The following NIP7 variants were observed in gnomAD, a reference collection of about 807,000 sequenced individuals.
NIP7 encodes the protein nucleolar pre-rRNA processing protein NIP7, also known as 60S ribosome subunit biogenesis protein NIP7 homolog.
Under a neutral mutation model 20.1 loss-of-function variants are expected in NIP7, and 12 were observed. The ratio of observed to expected loss-of-function variants is 0.60; its 90% CI spans 0.38 to 0.97. The LOEUF is 0.97. Among genes scored for constraint, NIP7 ranks in the 50% least tolerant of loss-of-function variants. NIP7 has a pLI of 0.00. For synonymous variants in NIP7, 103 were observed against 87.2 expected (o/e 1.18, Z -1.01); for missense variants, 226 against 226.6 (o/e 1.00, Z 0.02).
rs2012583629 is a variant in NIP7, at chr16:69,342,395, G to C, written c.*743G>C. On this transcript the variant is annotated 3_prime_UTR_variant, in exon 5 of 5. Transcript: ENST00000254940. ...GGATCACTTGAGGTTAGGAGTTTGAGACCAGCCTGGCCAACATGGTGAAAC... is the reference window on the plus strand; with the variant it reads ...GGATCACTTGAGGTTAGGAGTTTGACACCAGCCTGGCCAACATGGTGAAAC... 1 of 151,522 alleles carries C rather than the reference G, an allele frequency of 6.6e-6. No individual in the cohort carries two copies. The highest frequency in any genetic ancestry group is 1.5e-5 in the Non-Finnish European group (1 of 67,972). 9.4% of individuals were successfully genotyped at this position (151,522 alleles called of 1,614,324 possible).
In NIP7 at chr16:69,339,895, C is replaced by T. The variant is rs1335024233; in HGVS notation, c.56+10C>T. ...AGAAGATAGCGAAATAGTAGGAGCG[C>T]GCGGGGCGGACGCGGGAGTGTGTGG... On this transcript the variant is annotated intron_variant, in intron 1 of 4. Transcript: ENST00000254940. 2 of 1,613,454 alleles carry T rather than the reference C, an allele frequency of 1.2e-6. No homozygotes were observed. Among genetic ancestry groups the T allele is most frequent in the South Asian group, 2.2e-5 (2 of 91,070 alleles).
Position 69,340,079 on chromosome 16 carries a change from G to T in NIP7, c.130G>T (p.Val44Leu). 1 of 1,614,146 alleles carries T rather than the reference G, an allele frequency of 6.2e-7. No homozygotes were observed. The highest frequency in any genetic ancestry group is 8.5e-7 in the Non-Finnish European group (1 of 1,180,028). Residue 44 changes from valine to leucine, a missense_variant, in exon 2 of 5, where the codon GTG becomes TTG. Transcript: ENST00000254940. ...TYCFRLHNDR[V>L]YYVSEKIMKL... is the part of the protein sequence containing the mutation. ...CTGTTTCCGTCTGCACAACGACCGGGTGTACTATGTGAGGTGAGGCGGGGC... is the reference window on the plus strand; with the variant it reads ...CTGTTTCCGTCTGCACAACGACCGGTTGTACTATGTGAGGTGAGGCGGGGC...
In NIP7 at chr16:69,341,893, C is replaced by A; in HGVS notation, c.*241C>A. ...ATAGAATACTGTTTCATATTTGAAT[C>A]AGAGGGCTTCTTGTTCTGAGAAATA... On this transcript the variant is annotated 3_prime_UTR_variant, in exon 5 of 5. Coordinates refer to ENST00000254940, the MANE Select transcript of NIP7 (RefSeq NM_016101.5). The A allele has an allele frequency of 2.8e-6, 1 of 361,924 alleles. No homozygotes were observed. The highest frequency in any genetic ancestry group is 5.0e-6 in the Non-Finnish European group (1 of 199,974). 22.4% of individuals were successfully genotyped at this position (361,924 alleles called of 1,614,324 possible).
Position 69,339,805 on chromosome 16 carries a change from C to A in NIP7, c.-25C>A, listed in dbSNP as rs1038419431. 6.2e-7 allele frequency: 1 copy of A among 1,612,010 alleles called. No individual in the cohort carries two copies. The highest frequency in any genetic ancestry group is 8.5e-7 in the Non-Finnish European group (1 of 1,179,728). On this transcript the variant is annotated 5_prime_UTR_variant, in exon 1 of 5. Coordinates refer to ENST00000254940, the MANE Select transcript of NIP7 (RefSeq NM_016101.5). ...TTTCCAGTTACCAAGGCACGAGGAT[C>A]CGGTGTTCCAACCCAGGGGGAAAAA... is the stretch of plus-strand genomic sequence containing the variant.
chr16:69,341,396 G>T, intron 4 of NIP7, 76 bp downstream of exon 4: 1 of 1,572,832 alleles, frequency 6.4e-7, no homozygotes, highest in Non-Finnish European at 8.7e-7. Flanking sequence ...CTGAGTGCTT[G>T]AGAGAATAAA....
chr16:69,341,866 A>C lies in NIP7; in HGVS notation c.*214A>C. The C allele has an allele frequency of 2.3e-6, 1 of 444,260 alleles. No homozygotes were observed. Among genetic ancestry groups the C allele is most frequent in the Non-Finnish European group, 4.0e-6 (1 of 251,996 alleles). 27.5% of individuals were successfully genotyped at this position (444,260 alleles called of 1,614,324 possible). A position where few individuals can be genotyped will look rare whatever the true frequency, so the allele number is the denominator to read the frequency against. On this transcript the variant is annotated 3_prime_UTR_variant, in exon 5 of 5. Transcript: ENST00000254940. ...AATGGGGTTTCAGATCTTTGTGACG[A>C]AATAGAATACTGTTTCATATTTGAA...
At position 69,341,599 on chromosome 16, in the gene NIP7, T is replaced by C. The variant is rs944338787; in HGVS notation, c.490T>C (p.Phe164Leu). The stretch of plus-strand genomic sequence containing the variant: ...AGTAGACCCCATGGCGATTGTGGTA[T>C]TTCATCAAGCAGACATTGGGGAATA... Reference protein sequence around the residue: ...RKVDPMAIVVFHQADIGEYVR... With the variant: ...RKVDPMAIVVLHQADIGEYVR... Residue 164 changes from phenylalanine to leucine, a missense_variant, in exon 5 of 5, where the codon TTT becomes CTT. Physicochemically the swap from Phe to Leu is conservative, Grantham distance 22. Transcript: ENST00000254940. 2 of 1,614,196 alleles carry C rather than the reference T, an allele frequency of 1.2e-6. No individual in the cohort carries two copies. Among genetic ancestry groups the C allele is most frequent in the Non-Finnish European group, 1.7e-6 (2 of 1,180,030 alleles).
chr16:69,339,818 C>A lies in NIP7; in HGVS notation c.-12C>A, dbSNP rs367992251. ...AGGCACGAGGATCCGGTGTTCCAAC[C>A]CAGGGGGAAAAATGCGGCCTTTGAC... On this transcript the variant is annotated 5_prime_UTR_variant, in exon 1 of 5. Coordinates refer to ENST00000254940, the MANE Select transcript of NIP7 (RefSeq NM_016101.5). 6.8e-6 allele frequency: 11 copies of A among 1,612,382 alleles called. No homozygotes were observed. Among genetic ancestry groups the A allele is most frequent in the Middle Eastern group, 4.2e-4 (2 of 4,788 alleles).
rs969652859 is a variant in NIP7, at chr16:69,342,411, A to G, written c.*759A>G. On this transcript the variant is annotated 3_prime_UTR_variant, in exon 5 of 5. Coordinates refer to ENST00000254940, the MANE Select transcript of NIP7 (RefSeq NM_016101.5). ...GGAGTTTGAGACCAGCCTGGCCAAC[A>G]TGGTGAAACCCCATCTCTACTAAAA... is the stretch of plus-strand genomic sequence containing the variant. 22 of 152,102 alleles carry G rather than the reference A, an allele frequency of 1.4e-4. No homozygotes were observed. Among genetic ancestry groups the G allele is most frequent in the Admixed American group, 1.2e-3 (19 of 15,264 alleles). 9.4% of individuals were successfully genotyped at this position (152,102 alleles called of 1,614,324 possible).
chr16:69,340,425 G>C, intron 3 of NIP7, 93 bp downstream of exon 3: 1 of 1,487,650 alleles, frequency 6.7e-7, no homozygotes. Context: ...GTCCCTGACA[G>C]TGTGCTTGGA....
chr16:69,339,778 C>T lies in NIP7; in HGVS notation c.-52C>T, dbSNP rs1386370982. ...CGGGGAGCAGCGAGCGACCGACTTCCGTTTCCAGTTACCAAGGCACGAGGA... is the reference window on the plus strand; with the variant it reads ...CGGGGAGCAGCGAGCGACCGACTTCTGTTTCCAGTTACCAAGGCACGAGGA... On this transcript the variant is annotated 5_prime_UTR_variant, in exon 1 of 5. Transcript: ENST00000254940. The T allele has an allele frequency of 1.2e-6, 2 of 1,603,860 alleles. No individual in the cohort carries two copies. The highest frequency in any genetic ancestry group is 1.7e-5 in the Admixed American group (1 of 59,976).
chr16:69,340,194 T>G lies in NIP7; in HGVS notation c.144T>G (p.Ser48Arg), dbSNP rs1373718178. ...CCTTGCTCCCCCTTTACCCTTTTAG[T>G]GAGAAGATTATGAAGCTGGCCGCCA... ...RLHNDRVYYV[S>R]EKIMKLAANI... is the part of the protein sequence containing the mutation. The change falls in exon 3 of 5, where the codon AGT (serine) becomes AGG (arginine). Residue 48 changes from serine (S) to arginine (R), a missense_variant and splice_region_variant. Transcript: ENST00000254940. 1 of 1,613,970 alleles carries G rather than the reference T, an allele frequency of 6.2e-7. No homozygotes were observed. Among genetic ancestry groups the G allele is most frequent in the African/African-American group, 1.3e-5 (1 of 74,946 alleles).
chr16:69,341,665 C>A lies in NIP7; in HGVS notation c.*13C>A. 11 of 1,613,880 alleles carry A rather than the reference C, an allele frequency of 6.8e-6. No homozygotes were observed. The highest frequency in any genetic ancestry group is 9.3e-6 in the Non-Finnish European group (11 of 1,179,866). ...GACGTTGACTTAAAACGAAGCCATT[C>A]CAAGGACAGACGGCTGTATGGAAAG... On this transcript the variant is annotated 3_prime_UTR_variant, in exon 5 of 5. Transcript: ENST00000254940.
Position 69,340,329 on chromosome 16 carries a change from C to G in NIP7, c.279C>G (p.Ala93=). The stretch of plus-strand genomic sequence containing the variant: ...CTCTGGATTACCTTGCACCTTATGC[C>G]AAGGTTTGTGGGGCGGTTTCCAATT... The part of the protein sequence containing the change: ...VTALDYLAPY[A]KYKVWIKPGA... The change falls in exon 3 of 5, where the codon GCC becomes GCG. Residue 93 remains alanine (A), a synonymous_variant. Transcript: ENST00000254940. 1 of 1,611,500 alleles carries G rather than the reference C, an allele frequency of 6.2e-7. No homozygotes were observed. The highest frequency in any genetic ancestry group is 1.6e-4 in the Middle Eastern group (1 of 6,062).
Position 69,341,190 on chromosome 16 carries a change from G to A in NIP7, c.293G>A (p.Trp98Ter). The change falls in exon 4 of 5, where the codon TGG becomes TAG. Residue 98 changes from tryptophan (W) to a stop codon, truncating the protein, a stop_gained. Transcript: ENST00000254940. LOFTEE classifies it high-confidence loss of function. ...TTAATTCTCTTATAGTATAAAGTTT[G>A]GATAAAGCCTGGTGCAGAGCAGTCC... is the stretch of plus-strand genomic sequence containing the variant. The part of the protein sequence containing the change: ...YLAPYAKYKV[W>*]IKPGAEQSFL... The A allele has an allele frequency of 6.2e-7, 1 of 1,613,440 alleles. No individual in the cohort carries two copies. The highest frequency in any genetic ancestry group is 1.1e-5 in the South Asian group (1 of 90,966).
At position 69,343,090 on chromosome 16, in the gene NIP7, C is replaced by A. The variant is rs558439706; in HGVS notation, c.*1438C>A. On this transcript the variant is annotated 3_prime_UTR_variant, in exon 5 of 5. Coordinates refer to ENST00000254940, the MANE Select transcript of NIP7 (RefSeq NM_016101.5). Reference sequence around the variant, plus strand: ...CTTTAAGAATAAAACATTACCAACTCCTGCTTTTATATGTAAGCAAACTTG... The same window carrying A: ...CTTTAAGAATAAAACATTACCAACTACTGCTTTTATATGTAAGCAAACTTG... The A allele has an allele frequency of 1.4e-5, 3 of 221,924 alleles. No individual in the cohort carries two copies. The Admixed American group carries it at 1.6e-4, about 12-fold the overall frequency. 13.7% of individuals were successfully genotyped at this position (221,924 alleles called of 1,614,324 possible). A position where few individuals can be genotyped will look rare whatever the true frequency, so the allele number is the denominator to read the frequency against.
At chr16:69,341,022 A>G in intron 3 of NIP7, 158 bp from the exon 4 acceptor site, 1 of 665,694 alleles carries the variant, frequency 1.5e-6, no homozygotes, top group African/African-American at 1.8e-5. Context: ...AACTTCCTGC[A>G]TTTCTGTTCA....
At chr16:69,339,939 G>T in intron 1 of NIP7, 54 bp downstream of exon 1, 1 of 1,613,052 alleles carries the variant, frequency 6.2e-7, no homozygotes, top group South Asian at 1.1e-5. Flanking sequence ...GCCAAGGGTG[G>T]AGTGGGGGCG....
At chr16:69,340,688 TTC>T (rs766082009) in intron 3 of NIP7, 3 of 249,494 alleles carry the variant, frequency 1.2e-5, no homozygotes, top group Non-Finnish European at 2.3e-5. Context: ...TTCTATTTTT[TTC>T]TTTTTCTTTC....
Sources: allele counts gnomAD v4.1 joint callset, GRCh38; gene constraint gnomAD v4.1.1; transcripts MANE v1.5; gene names NCBI Gene and HGNC (gene_info 2026-07-23, HGNC 2026-07-21).